The following ERCC8 variants were observed in gnomAD, a reference collection of about 807,000 sequenced individuals.
ERCC8 encodes the protein DNA excision repair protein ERCC-8.
In ERCC8, 52 loss-of-function variants were observed where a neutral mutation model predicts 54.9. The observed-to-expected ratio is 0.95, with a 90% confidence interval of 0.76 to 1.19. The LOEUF (loss-of-function observed/expected upper bound fraction) is 1.19, where lower values mean the gene tolerates loss of function less well. Among genes scored for constraint, ERCC8 ranks in the 50% most tolerant of loss-of-function variants. ERCC8 has a pLI of 0.00. For synonymous variants in ERCC8, 146 were observed against 157.2 expected, an observed-to-expected ratio of 0.93 and a Z score of 0.53; for missense variants, 514 against 466.1, an observed-to-expected ratio of 1.10 and a Z score of -0.95.
chr5:60,880,818 C>T (rs1031642516), intron 11 of ERCC8, among the ~76,000 whole-genome samples: 3 of 152,096 alleles, frequency 2.0e-5, no homozygotes, highest in African/African-American at 7.2e-5. Context: ...AAACTTCCTC[C>T]TTTAGCCCGG....
chr5:60,884,256 G>A (rs572192004), intron 11 of ERCC8, among the ~76,000 whole-genome samples: 62 of 152,170 alleles, frequency 4.1e-4, no homozygotes, highest in African/African-American at 1.5e-3. Context: ...GAGGCGGGTG[G>A]ATCATGAGGT....
At chr5:60,909,494 ACTC>A (rs1749189796) in intron 4 of ERCC8, among the ~76,000 whole-genome samples, 2 of 151,750 alleles carry the variant, frequency 1.3e-5, no homozygotes, top group African/African-American at 2.4e-5. Flanking sequence ...AGCAAGGTCA[ACTC>A]CTCCTCCTCC....
Position 60,904,839 on chromosome 5 carries a change from T to C in ERCC8, c.434A>G (p.Tyr145Cys), listed in dbSNP as rs1749023568. 4 of 1,591,736 alleles carry C rather than the reference T, an allele frequency of 2.5e-6. No individual in the cohort carries two copies. The highest frequency in any genetic ancestry group is 4.5e-5 in the East Asian group (2 of 44,582). The part of the protein sequence containing the change: ...ADVFNFEETV[Y>C]SHHMSPVSTK... ...GGAGACTGGAGACATATGATGACTA[T>C]AAACTGTTTCCTCAAAATTAAATAC... Residue 145 changes from tyrosine (Y) to cysteine (C), a missense_variant, in exon 5 of 12, where the codon TAT (tyrosine) becomes TGT (cysteine). Physicochemically the swap from Tyr to Cys is radical, Grantham distance 194 (BLOSUM62 -2). Coordinates refer to ENST00000676185, the MANE Select transcript of ERCC8 (RefSeq NM_000082.4).
chr5:60,892,908 T>C (rs1036312640), intron 9 of ERCC8: 2 of 734,696 alleles, frequency 2.7e-6, no homozygotes, highest in Non-Finnish European at 5.1e-6. Context: ...AATGTCCATA[T>C]GGATGTGGGT....
At chr5:60,929,900 TATTG>T (rs1749857515) in intron 1 of ERCC8, among the ~76,000 whole-genome samples, 1 of 152,242 alleles carries the variant, frequency 6.6e-6, no homozygotes, top group Non-Finnish European at 1.5e-5. Flanking sequence ...CTAAATTCAT[TATTG>T]ATTAAAATAA....
In ERCC8 at chr5:60,877,517, T is replaced by C. The variant is rs1188912660; in HGVS notation, c.1123-2834A>G. ...TCTTCCTACCCATGAGCATGGAATG[T>C]TCTTCCATTTGTTTGTATCCTCTTT... On this transcript the variant is annotated intron_variant, in intron 11 of 11. Coordinates refer to ENST00000676185, the MANE Select transcript of ERCC8 (RefSeq NM_000082.4). Among the ~76,000 whole-genome samples the C allele has an allele frequency of 3.3e-5, 5 of 152,230 alleles. No homozygotes were observed. In the East Asian group the frequency reaches 5.8e-4, roughly 18 times the overall value.
intron 4 of ERCC8, among the ~76,000 whole-genome samples, chr5:60,912,499 G>A (rs780635843): frequency 2.0e-5 from 3 of 152,030 alleles, no homozygotes; most frequent in Non-Finnish European, 2.9e-5. Context: ...GGGCTCAGAC[G>A]ATGGGGTTTT....
intron 2 of ERCC8, among the ~76,000 whole-genome samples, chr5:60,924,049 T>C (rs1237512468): frequency 6.6e-6 from 1 of 152,182 alleles, no homozygotes; most frequent in African/African-American, 2.4e-5. Context: ...CTCCTCTACC[T>C]TTCTTCCTCC....
At chr5:60,907,093 A>G (rs1455518158) in intron 4 of ERCC8, among the ~76,000 whole-genome samples, 1 of 152,158 alleles carries the variant, frequency 6.6e-6, no homozygotes, top group African/African-American at 2.4e-5. Flanking sequence ...AAGATTATTC[A>G]TTTCCTCTGG....
At chr5:60,878,043 C>T (rs1009428780) in intron 11 of ERCC8, among the ~76,000 whole-genome samples, 5 of 152,104 alleles carry the variant, frequency 3.3e-5, no homozygotes, top group South Asian at 2.1e-4. Flanking sequence ...TGAGATACGT[C>T]CCATCAATAC....
chr5:60,911,132 A>G (rs768857559), intron 4 of ERCC8, among the ~76,000 whole-genome samples: 23 of 152,290 alleles, frequency 1.5e-4, no homozygotes, highest in Non-Finnish European at 2.8e-4. Context: ...ACATAGGTAT[A>G]TATGTGCCAT....
chr5:60,878,518 G>A (rs979319424), intron 11 of ERCC8, among the ~76,000 whole-genome samples: 4 of 152,142 alleles, frequency 2.6e-5, no homozygotes, highest in African/African-American at 9.7e-5. Flanking sequence ...TTTTTGGTTG[G>A]TAAGCTATCA....
chr5:60,890,433 G>A (rs1441906123), intron 10 of ERCC8, among the ~76,000 whole-genome samples: 1 of 152,196 alleles, frequency 6.6e-6, no homozygotes, highest in Non-Finnish European at 1.5e-5. Context: ...AAAAGCCAGA[G>A]TATTTAAGAA....
chr5:60,899,833 A>G, intron 7 of ERCC8, 106 bp from the exon 8 acceptor site: 2 of 809,528 alleles, frequency 2.5e-6, no homozygotes, highest in East Asian at 2.5e-5. Context: ...TTATATAGGT[A>G]CATATGTATT....
In ERCC8 at chr5:60,928,906, C is replaced by T. The variant is rs766959543; in HGVS notation, c.131G>A (p.Gly44Asp). 2.5e-6 allele frequency: 4 copies of T among 1,609,664 alleles called. No individual in the cohort carries two copies. The East Asian group carries it at 8.9e-5, about 36-fold the overall frequency. ...TTCAATGTCAAGGGTGTTAATTCCA[C>T]CGCCGTGGATTCTTTCAACATCTCT... is the stretch of plus-strand genomic sequence containing the variant. Reference protein sequence around the residue: ...KDRDVERIHGGGINTLDIEPV... With the variant: ...KDRDVERIHGDGINTLDIEPV... Residue 44 changes from glycine (G) to aspartate (D), a missense_variant, in exon 2 of 12, where the codon GGT (glycine) becomes GAT (aspartate). Coordinates refer to ENST00000676185, the MANE Select transcript of ERCC8 (RefSeq NM_000082.4).
chr5:60,896,755 T>C (rs1418798860), intron 9 of ERCC8, among the ~76,000 whole-genome samples: 1 of 152,122 alleles, frequency 6.6e-6, no homozygotes, highest in African/African-American at 2.4e-5. Flanking sequence ...AGATACGGAC[T>C]TAATAGAAAA....
chr5:60,893,235 C>G (rs911759886), intron 9 of ERCC8: 19 of 1,006,168 alleles, frequency 1.9e-5, no homozygotes, highest in Non-Finnish European at 3.0e-5. Context: ...TTGTAATAAG[C>G]CTTCATAGTG....
intron 1 of ERCC8, among the ~76,000 whole-genome samples, chr5:60,929,498 G>A (rs1749846517): frequency 6.6e-6 from 1 of 152,106 alleles, no homozygotes; most frequent in African/African-American, 2.4e-5. Flanking sequence ...GAGGCAGGAG[G>A]ATTGCTTGAG....
At chr5:60,875,363 ATT>A (rs1747967273) in intron 11 of ERCC8, among the ~76,000 whole-genome samples, 1 of 152,212 alleles carries the variant, frequency 6.6e-6, no homozygotes, top group Non-Finnish European at 1.5e-5. Context: ...TCCCTCAGGG[ATT>A]TGTCTGAAGG....
Sources: gnomAD v4.1 joint callset for allele counts (sites outside exome capture counted in the v4.1 genomes callset) on GRCh38, gnomAD v4.1.1 for gene constraint, MANE v1.5 for transcripts, NCBI Gene and HGNC (gene_info 2026-07-23, HGNC 2026-07-21) for gene names.